The following RBM20 variants were observed in gnomAD, a reference collection of about 807,000 sequenced individuals.
The protein encoded by RBM20 is RNA-binding protein 20.
RBM20 carries 51 observed loss-of-function variants against 110.1 expected under a neutral mutation model. The observed-to-expected ratio is 0.46, with a 90% CI of 0.37 to 0.59. The LOEUF (loss-of-function observed/expected upper bound fraction) is 0.59, where lower values mean the gene tolerates loss of function less well. Ranked by LOEUF, RBM20 falls within the 20% of genes least tolerant of loss-of-function variation. The pLI is 0.00. For missense variants in RBM20, 1,512 were observed against 1,574.9 expected, an observed-to-expected ratio of 0.96 and a Z score of 0.68; for synonymous variants, 589 against 618.2, an observed-to-expected ratio of 0.95 and a Z score of 0.70.
At chr10:110,810,814 TGC>T (rs1173292864) in intron 8 of RBM20, among the ~76,000 whole-genome samples, 1 of 146,042 alleles carries the variant, frequency 6.8e-6, no homozygotes, top group Non-Finnish European at 1.5e-5. Context: ...TGTGTGTGTG[TGC>T]GTGTGTGCGT....
At chr10:110,672,218 C>A (rs779183829) in intron 1 of RBM20, among the ~76,000 whole-genome samples, 1 of 152,200 alleles carries the variant, frequency 6.6e-6, no homozygotes, top group Non-Finnish European at 1.5e-5. Flanking sequence ...CGATGCCTGG[C>A]GCCGCGGGTG....
Position 110,790,713 on chromosome 10 carries a change from G to A in RBM20, c.1527+5824G>A, listed in dbSNP as rs148451888. 1.1e-3 allele frequency among the ~76,000 whole-genome samples: 161 copies of A among 152,192 alleles called. 1 individual carries two copies. The highest frequency in any genetic ancestry group is 6.8e-3 in the Middle Eastern group (2 of 294). On this transcript the variant is annotated intron_variant, in intron 5 of 13. Coordinates refer to ENST00000369519, the MANE Select transcript of RBM20 (RefSeq NM_001134363.3). ...CAATATATATTTAAATCGATTTCTA[G>A]ACATCTTTCCACATCAGAACGTAAA...
Position 110,715,279 on chromosome 10 carries a change from GA to G in RBM20, c.192-65516del, listed in dbSNP as rs1375257587. On this transcript the variant is annotated intron_variant, in intron 1 of 13. Coordinates refer to ENST00000369519, the MANE Select transcript of RBM20 (RefSeq NM_001134363.3). ...AAAACAAACAAACAAAACAAACAAA[GA>G]AAAAACCCATAATTTGTGAATATTC... Among the ~76,000 whole-genome samples the G allele has an allele frequency of 2.0e-5, 3 of 152,052 alleles. No individual in the cohort carries two copies. The South Asian group carries it at 6.2e-4, about 32-fold the overall frequency.
At chr10:110,831,620 T>G (rs1263680964) in intron 13 of RBM20, 1 of 151,988 alleles carries the variant, frequency 6.6e-6, no homozygotes, top group East Asian at 1.9e-4. Flanking sequence ...TGTTCTAGTT[T>G]TTCTCTGTTT....
chr10:110,727,419 A>AAAAAATAAAAAAATAAAATAAAAAAAAT (rs377734576), intron 1 of RBM20, among the ~76,000 whole-genome samples: 2 of 146,726 alleles, frequency 1.4e-5, no homozygotes, highest in African/African-American at 2.5e-5. Context: ...AAATAAAAAA[A>AAAAAATAAAAAAATAAAATAAAAAAAAT]AAATAAATAA....
chr10:110,811,735 A>T (rs1056958457), intron 8 of RBM20, among the ~76,000 whole-genome samples: 41 of 152,228 alleles, frequency 2.7e-4, no homozygotes, highest in African/African-American at 9.9e-4. Context: ...TTTTCCATGC[A>T]TAAATTGAGC....
At chr10:110,784,707 G>GT in intron 4 of RBM20, 85 bp from the exon 5 acceptor site, 1 of 920,364 alleles carries the variant, frequency 1.1e-6, no homozygotes, top group Non-Finnish European at 1.7e-6. Flanking sequence ...GAAAGGTTCA[G>GT]TTTTCTATGC....
In RBM20 at chr10:110,794,922, G is replaced by T. The variant is rs1236915277; in HGVS notation, c.1528-2586G>T. Among the ~76,000 whole-genome samples, 6 of 152,324 alleles carry T rather than the reference G, an allele frequency of 3.9e-5. 1 individual carries two copies. In the South Asian group the frequency reaches 1.2e-3, roughly 32 times the overall value. On this transcript the variant is annotated intron_variant, in intron 5 of 13. Coordinates refer to ENST00000369519, the MANE Select transcript of RBM20 (RefSeq NM_001134363.3). ...TGTTCCAATAAAAGCCTCTTGAGTT[G>T]TCCTTTCAGTCTGGAGGAGACAATG...
At position 110,824,767 on chromosome 10, in the gene RBM20, G is replaced by A. The variant is rs547000564; in HGVS notation, c.3451+1153G>A. Among the ~76,000 whole-genome samples the A allele has an allele frequency of 2.0e-5, 3 of 152,288 alleles. No individual in the cohort carries two copies. In the South Asian group the frequency reaches 6.2e-4, roughly 32 times the overall value. The stretch of plus-strand genomic sequence containing the variant: ...CTTTGAGTCCCCTCGCATTAGCTCT[G>A]AAAGGTCGGAATTAGATAAAGTAGT... On this transcript the variant is annotated intron_variant, in intron 12 of 13. Coordinates refer to ENST00000369519, the MANE Select transcript of RBM20 (RefSeq NM_001134363.3).
intron 1 of RBM20, among the ~76,000 whole-genome samples, chr10:110,748,124 A>G (rs1217794240): frequency 6.6e-6 from 1 of 151,968 alleles, no homozygotes; most frequent in Admixed American, 6.5e-5. Context: ...TTTTTTTTTC[A>G]TTAATGAGAA....
Position 110,705,998 on chromosome 10 carries a change from C to T in RBM20, c.191+61353C>T, listed in dbSNP as rs147478046. Among the ~76,000 whole-genome samples, 262 of 152,010 alleles carry T rather than the reference C, an allele frequency of 1.7e-3. 2 individuals carry two copies. The highest frequency in any genetic ancestry group is 6.1e-3 in the African/African-American group (252 of 41,438). On this transcript the variant is annotated intron_variant, in intron 1 of 13. Transcript: ENST00000369519. ...TTGGGAGGCTGAGGTGGGAGAATCG[C>T]TTGACCTGGGAGGTGGCGTTTGCAG...
intron 8 of RBM20, among the ~76,000 whole-genome samples, chr10:110,810,842 T>TGC (rs1844758371): frequency 8.4e-6 from 1 of 119,624 alleles, no homozygotes; most frequent in African/African-American, 2.8e-5. Context: ...TGTGCATGTG[T>TGC]GTGCGTGTGT....
chr10:110,749,369 GA>G (rs1444168288), intron 1 of RBM20, among the ~76,000 whole-genome samples: 1 of 151,628 alleles, frequency 6.6e-6, no homozygotes, highest in Non-Finnish European at 1.5e-5. Context: ...AAATGTTATA[GA>G]AAAAAAGATA....
intron 1 of RBM20, among the ~76,000 whole-genome samples, chr10:110,773,917 T>C (rs983651363): frequency 3.5e-4 from 54 of 152,208 alleles, no homozygotes; most frequent in African/African-American, 1.3e-3. Flanking sequence ...ATACCAAACA[T>C]GTTAGTTAAA....
At chr10:110,688,613 C>T (rs1041114743) in intron 1 of RBM20, among the ~76,000 whole-genome samples, 1 of 152,006 alleles carries the variant, frequency 6.6e-6, no homozygotes, top group African/African-American at 2.4e-5. Context: ...TCTTCCAATC[C>T]TGCATTTAAA....
chr10:110,712,105 C>T (rs1019456887), intron 1 of RBM20, among the ~76,000 whole-genome samples: 2 of 152,090 alleles, frequency 1.3e-5, no homozygotes, highest in African/African-American at 4.8e-5. Flanking sequence ...ATTGAATTAT[C>T]ATATATTTTA....
intron 13 of RBM20, 24 bp downstream of exon 13, chr10:110,831,206 A>T (rs1845047823): frequency 6.5e-7 from 1 of 1,547,372 alleles, no homozygotes; most frequent in Non-Finnish European, 8.7e-7. Context: ...CTCCTTGCCC[A>T]GCATGCCAGG....
At chr10:110,778,060 C>T (rs2135035548) in intron 1 of RBM20, among the ~76,000 whole-genome samples, 1 of 152,348 alleles carries the variant, frequency 6.6e-6, no homozygotes, top group African/African-American at 2.4e-5. Flanking sequence ...CCTACATAGA[C>T]ATTGGTCGCT....
At chr10:110,835,071 A>C (rs537239715) in intron 13 of RBM20, 1 of 152,352 alleles carries the variant, frequency 6.6e-6, no homozygotes, top group East Asian at 1.9e-4. Flanking sequence ...CTCAAATGTC[A>C]GGCCGTGGTG....
Sources: allele counts gnomAD v4.1 joint callset (sites outside exome capture counted in the v4.1 genomes callset), GRCh38; gene constraint gnomAD v4.1.1; transcripts MANE v1.5; gene names NCBI Gene and HGNC (gene_info 2026-07-23, HGNC 2026-07-21).